RIMS2: variants seen among roughly 807,000 people sequenced by gnomAD.
RIMS2 encodes regulating synaptic membrane exocytosis 2, also known as regulating synaptic membrane exocytosis protein 2.
RIMS2 carries 59 observed loss-of-function variants against 174.4 expected under a neutral mutation model. The observed-to-expected ratio is 0.34, with a 90% CI of 0.27 to 0.42. The LOEUF (loss-of-function observed/expected upper bound fraction) is 0.42, where lower values mean the gene tolerates loss of function less well. RIMS2 is among the 10% of genes least tolerant of loss of function. The pLI is 1.00. For synonymous variants in RIMS2, 606 were observed against 572.5 expected (o/e 1.06, Z -0.84); for missense variants, 1,620 against 1,666.3 (o/e 0.97, Z 0.48).
At chr8:103,579,970 T>C (rs2093506189) in intron 1 of RIMS2, among the ~76,000 whole-genome samples, 1 of 152,114 alleles carries the variant, frequency 6.6e-6, no homozygotes, top group South Asian at 2.1e-4. Context: ...ACTCACTCAC[T>C]ATCATGAGAA....
chr8:104,053,544 A>G (rs2096823163), intron 19 of RIMS2, among the ~76,000 whole-genome samples: 1 of 152,310 alleles, frequency 6.6e-6, no homozygotes, highest in East Asian at 1.9e-4. Flanking sequence ...ACCAATTTTT[A>G]TTGTGCATTT....
intron 1 of RIMS2, among the ~76,000 whole-genome samples, chr8:103,542,508 A>C (rs1005722371): frequency 6.6e-6 from 1 of 152,232 alleles, no homozygotes; most frequent in Non-Finnish European, 1.5e-5. Context: ...CATTATGCCA[A>C]TATCAAAGCC....
At chr8:104,118,962 C>T (rs1204668611) in intron 19 of RIMS2, among the ~76,000 whole-genome samples, 4 of 152,064 alleles carry the variant, frequency 2.6e-5, no homozygotes, top group African/African-American at 9.7e-5. Flanking sequence ...CCAAAGGGCT[C>T]ATCTCCAGAT....
At chr8:103,869,336 C>T (rs1432598329) in intron 3 of RIMS2, among the ~76,000 whole-genome samples, 1 of 152,026 alleles carries the variant, frequency 6.6e-6, no homozygotes, top group Non-Finnish European at 1.5e-5. Flanking sequence ...GCTGGGATTA[C>T]AGGCACCCAC....
chr8:104,122,365 G>A (rs901348150), intron 19 of RIMS2, among the ~76,000 whole-genome samples: 2 of 152,076 alleles, frequency 1.3e-5, no homozygotes, highest in African/African-American at 2.4e-5. Context: ...TTTTTACCTG[G>A]AGCATGCAGA....
intron 1 of RIMS2, among the ~76,000 whole-genome samples, chr8:103,522,104 A>G (rs1563627038): frequency 6.6e-6 from 1 of 152,034 alleles, no homozygotes; most frequent in African/African-American, 2.4e-5. Context: ...CTTCAATATC[A>G]TTTGGTAAAG....
intron 19 of RIMS2, among the ~76,000 whole-genome samples, chr8:104,059,277 T>A (rs1469185293): frequency 6.7e-6 from 1 of 149,512 alleles, no homozygotes; most frequent in Non-Finnish European, 1.5e-5. Flanking sequence ...CTTGAAGAGG[T>A]CCTTCACATC....
In RIMS2 at chr8:104,224,429, A is replaced by G. The variant is rs942789332; in HGVS notation, c.3335-20487A>G. 1.1e-4 allele frequency among the ~76,000 whole-genome samples: 16 copies of G among 152,344 alleles called. No homozygotes were observed. In the East Asian group the frequency reaches 3.1e-3, roughly 29 times the overall value. On this transcript the variant is annotated intron_variant, in intron 19 of 23. Transcript: ENST00000504942. ...ATTTGGAGTTCGTAAAGTTTTGAAT[A>G]ACATAACATGTATTTTCTTCATGAA...
chr8:103,841,636 G>A (rs2098940453), intron 3 of RIMS2, among the ~76,000 whole-genome samples: 2 of 151,986 alleles, frequency 1.3e-5, no homozygotes, highest in South Asian at 4.2e-4. Flanking sequence ...CAGTCTCTTA[G>A]CATCTGTTTG....
chr8:104,006,089 CTGT>C (rs2095564811), intron 17 of RIMS2, among the ~76,000 whole-genome samples: 1 of 152,044 alleles, frequency 6.6e-6, no homozygotes, highest in Non-Finnish European at 1.5e-5. Flanking sequence ...CCTCTTACAA[CTGT>C]TTTGTTCTCC....
intron 19 of RIMS2, among the ~76,000 whole-genome samples, chr8:104,206,726 C>A (rs1283488957): frequency 6.6e-6 from 1 of 152,210 alleles, no homozygotes; most frequent in African/African-American, 2.4e-5. Flanking sequence ...CTGTCTGATT[C>A]CTGAGTTTAC....
At chr8:103,505,686 A>C (rs973212489) in intron 1 of RIMS2, among the ~76,000 whole-genome samples, 1 of 152,198 alleles carries the variant, frequency 6.6e-6, no homozygotes, top group African/African-American at 2.4e-5. Flanking sequence ...TGTGAAATTT[A>C]CTTTTGTAGA....
At chr8:104,251,702 G>C in exon 24 of RIMS2, 1 of 1,608,644 alleles carries the variant, frequency 6.2e-7, no homozygotes, top group Non-Finnish European at 8.5e-7. Context: ...ATGGTGATCG[G>C]ATGGTTCAAA....
chr8:104,198,197 TAAC>T (rs1276680397), intron 19 of RIMS2, among the ~76,000 whole-genome samples: 1 of 152,186 alleles, frequency 6.6e-6, no homozygotes, highest in Non-Finnish European at 1.5e-5. Context: ...CACTCAATGT[TAAC>T]AAGGCAACAA....
chr8:103,580,953 C>A (rs2093581439), intron 1 of RIMS2, among the ~76,000 whole-genome samples: 1 of 151,568 alleles, frequency 6.6e-6, no homozygotes, highest in South Asian at 2.1e-4. Context: ...CCTCAGCCTC[C>A]CGGGTAGCTG....
chr8:103,616,497 A>G (rs570696729), intron 1 of RIMS2, among the ~76,000 whole-genome samples: 2 of 152,350 alleles, frequency 1.3e-5, no homozygotes, highest in African/African-American at 4.8e-5. Context: ...TCTATTCAAC[A>G]TAGTTTTGGA....
intron 1 of RIMS2, among the ~76,000 whole-genome samples, chr8:103,628,187 T>A (rs1056829779): frequency 4.6e-5 from 7 of 151,954 alleles, no homozygotes; most frequent in Non-Finnish European, 1.0e-4. Context: ...TCCAGACAAG[T>A]TGGGTATGCA....
chr8:104,066,180 A>G (rs2097102670), intron 19 of RIMS2, among the ~76,000 whole-genome samples: 5 of 152,222 alleles, frequency 3.3e-5, no homozygotes, highest in African/African-American at 1.2e-4. Flanking sequence ...CAGTTTCCAT[A>G]TGGCTCACAA....
chr8:103,553,943 C>T (rs115744130), intron 1 of RIMS2, among the ~76,000 whole-genome samples: 2,366 of 76,542 alleles, frequency 0.031, 50 homozygotes, highest in African/African-American at 0.14. Flanking sequence ...CAAAGTCTAG[C>T]AGTGGGAAAA....
Sources: allele counts gnomAD v4.1 joint callset (sites outside exome capture counted in the v4.1 genomes callset), GRCh38; gene constraint gnomAD v4.1.1; transcripts MANE v1.5; gene names NCBI Gene and HGNC (gene_info 2026-07-23, HGNC 2026-07-21).